KYNU: variants seen among roughly 807,000 people sequenced by gnomAD.
KYNU encodes L-kynurenine hydrolase.
A neutral mutation model predicts 59.2 loss-of-function variants in KYNU; 54 were observed. The ratio of observed to expected loss-of-function variants is 0.91; its 90% CI spans 0.73 to 1.14. The LOEUF (loss-of-function observed/expected upper bound fraction) is 1.14. KYNU is among the 50% of genes most tolerant of loss of function. The probability of loss-of-function intolerance (pLI) is 0.00; values close to 1 mark genes in which losing one functional copy is unlikely to be tolerated. For missense variants in KYNU, 567 were observed against 554.4 expected (o/e 1.02, Z -0.23); for synonymous variants, 177 against 192.0 (o/e 0.92, Z 0.65).
rs1371914118 is a variant in KYNU at position 143,050,680 on chromosome 2, G to A, written c.*8508G>A. ...TTAAAAAACAGACTGAAGAAAGACTGGGTGTGAAGTCAGTAAATTAATTTC... is the reference window on the plus strand; with the variant it reads ...TTAAAAAACAGACTGAAGAAAGACTAGGTGTGAAGTCAGTAAATTAATTTC... On this transcript the variant is annotated 3_prime_UTR_variant, in exon 14 of 14. Transcript: ENST00000264170. 6.6e-6 allele frequency: 1 copy of A among 152,128 alleles called. No homozygotes were observed. 9.4% of individuals were successfully genotyped at this position (152,128 alleles called of 1,614,324 possible).
Position 143,052,976 on chromosome 2 carries a change from A to T in KYNU, c.*10804A>T, listed in dbSNP as rs1421384527. The T allele has an allele frequency of 6.6e-6, 1 of 152,358 alleles. No individual in the cohort carries two copies. Among genetic ancestry groups the T allele is most frequent in the Non-Finnish European group, 1.5e-5 (1 of 68,128 alleles). The allele number at this position is 152,358 out of a possible 1,614,324, so 9.4% of individuals were successfully genotyped here. On this transcript the variant is annotated 3_prime_UTR_variant, in exon 14 of 14. Transcript: ENST00000264170. ...GGAGGGGGCTATACCCTGCAAAGCC[A>T]CAGGGGCGGACCTGCTCAAGGCTGT... is the stretch of plus-strand genomic sequence containing the variant.
chr2:142,967,884 T>G (rs1573851981), intron 8 of KYNU, among the ~76,000 whole-genome samples: 1 of 152,178 alleles, frequency 6.6e-6, no homozygotes, highest in South Asian at 2.1e-4. Flanking sequence ...TATCAGAACT[T>G]GAGCAATTAA....
chr2:142,912,371 C>CTTTTTTTTTTTTTT (rs60854220), intron 2 of KYNU, among the ~76,000 whole-genome samples: 7 of 89,512 alleles, frequency 7.8e-5, no homozygotes, highest in South Asian at 3.7e-4. Flanking sequence ...TTTTGTATTT[C>CTTTTTTTTTTTTTT]TTTTTTTTTT....
At chr2:143,010,951 T>C (rs1397684634) in intron 10 of KYNU, among the ~76,000 whole-genome samples, 1 of 145,876 alleles carries the variant, frequency 6.9e-6, no homozygotes, top group East Asian at 2.1e-4. Context: ...CCTAAAACCA[T>C]AAAAACCCTA....
At chr2:142,905,459 G>A (rs1682259811) in intron 2 of KYNU, among the ~76,000 whole-genome samples, 1 of 152,276 alleles carries the variant, frequency 6.6e-6, no homozygotes, top group East Asian at 1.9e-4. Context: ...TGTCCCGAAG[G>A]GAGTTCCTCC....
At chr2:142,895,626 A>AT (rs564248722) in intron 2 of KYNU, among the ~76,000 whole-genome samples, 31 of 150,560 alleles carry the variant, frequency 2.1e-4, no homozygotes, top group African/African-American at 2.4e-4. Context: ...TTTTATCTAA[A>AT]TTTTTTTTTT....
chr2:142,940,983 C>T (rs1448631730), intron 4 of KYNU, among the ~76,000 whole-genome samples: 4 of 152,230 alleles, frequency 2.6e-5, no homozygotes. Context: ...GAGGGAGCTT[C>T]CATGCCTTCT....
chr2:142,936,471 AC>A (rs1683394136), intron 4 of KYNU, among the ~76,000 whole-genome samples: 1 of 152,132 alleles, frequency 6.6e-6, no homozygotes, highest in Non-Finnish European at 1.5e-5. Flanking sequence ...ATTTCCCATA[AC>A]GGAGGGTAGG....
At chr2:142,982,448 T>A (rs1341076187) in intron 8 of KYNU, among the ~76,000 whole-genome samples, 1 of 152,132 alleles carries the variant, frequency 6.6e-6, no homozygotes, top group African/African-American at 2.4e-5. Flanking sequence ...GGGTACAATT[T>A]GGATAATATG....
At chr2:142,955,987 GT>G (rs934437137) in intron 5 of KYNU, among the ~76,000 whole-genome samples, 2 of 152,038 alleles carry the variant, frequency 1.3e-5, no homozygotes, top group African/African-American at 4.8e-5. Flanking sequence ...CGAGTTTGCT[GT>G]TTCATTGATA....
At chr2:142,885,008 G>T (rs1476482944) in intron 1 of KYNU, among the ~76,000 whole-genome samples, 2 of 141,254 alleles carry the variant, frequency 1.4e-5, no homozygotes, top group Non-Finnish European at 3.1e-5. Context: ...GGAGGCCGAG[G>T]TGGGCGGATC....
rs537580105 is a variant in KYNU at position 143,025,808 on chromosome 2, C to T, written c.903-3819C>T. On this transcript the variant is annotated intron_variant, in intron 10 of 13. Coordinates refer to ENST00000264170, the MANE Select transcript of KYNU (RefSeq NM_003937.3). ...GTTTCTCATAATGAATTACTTGAAA[C>T]GAGAGAATATATATTAGAAATAAGG... 3.9e-5 allele frequency among the ~76,000 whole-genome samples: 6 copies of T among 151,994 alleles called. No homozygotes were observed. The South Asian group carries it at 8.3e-4, about 21-fold the overall frequency.
rs777979926 is a variant in KYNU at position 142,960,715 on chromosome 2, T to C, written c.674T>C (p.Phe225Ser). The C allele has an allele frequency of 1.2e-6, 2 of 1,613,920 alleles. No homozygotes were observed. Among genetic ancestry groups the C allele is most frequent in the East Asian group, 4.5e-5 (2 of 44,858 alleles). ...GTGATCCTGTTCAGTGGGGTGCATTTTTACACTGGACAGCACTTTAATATT... is the reference window on the plus strand; with the variant it reads ...GTGATCCTGTTCAGTGGGGTGCATTCTTACACTGGACAGCACTTTAATATT... ...IAVILFSGVH[F>S]YTGQHFNIPA... The change falls in exon 8 of 14, where the codon TTT (phenylalanine) becomes TCT (serine). Residue 225 changes from phenylalanine (F) to serine (S), a missense_variant. Phe to Ser is a radical substitution (Grantham distance 155). Transcript: ENST00000264170.
At chr2:142,947,153 A>G (rs1683816530) in intron 4 of KYNU, 1 of 1,551,012 alleles carries the variant, frequency 6.4e-7, no homozygotes, top group South Asian at 1.2e-5. Flanking sequence ...AAATGACCTC[A>G]GTATGTGTAA....
chr2:142,930,929 T>C (rs533927588), intron 4 of KYNU, among the ~76,000 whole-genome samples: 2 of 152,126 alleles, frequency 1.3e-5, no homozygotes, highest in South Asian at 4.1e-4. Context: ...AGCGCCTGGG[T>C]GCAGGCGGGC....
At chr2:142,983,759 TAAC>T (rs747927704) in intron 8 of KYNU, among the ~76,000 whole-genome samples, 34 of 152,106 alleles carry the variant, frequency 2.2e-4, no homozygotes, top group Non-Finnish European at 4.4e-4. Context: ...TGTTTTAGAA[TAAC>T]AACAAATGCA....
In KYNU at chr2:143,042,030, T is replaced by G. The variant is rs760058266; in HGVS notation, c.1273-17T>G. The stretch of plus-strand genomic sequence containing the variant: ...GAATAATGCTAACATTATTGTGGCT[T>G]TATTTTTTCCCCACAGTGTGACAAG... On this transcript the variant is annotated splice_polypyrimidine_tract_variant and intron_variant, in intron 13 of 13. Coordinates refer to ENST00000264170, the MANE Select transcript of KYNU (RefSeq NM_003937.3). The G allele has an allele frequency of 1.1e-5, 17 of 1,610,896 alleles. No homozygotes were observed. Among genetic ancestry groups the G allele is most frequent in the Admixed American group, 1.7e-5 (1 of 59,794 alleles).
At chr2:143,036,131 C>T (rs571662304) in intron 12 of KYNU, among the ~76,000 whole-genome samples, 3 of 152,000 alleles carry the variant, frequency 2.0e-5, no homozygotes, top group South Asian at 2.1e-4. Context: ...TGGCCTCAAG[C>T]GATTCTCCTG....
intron 8 of KYNU, among the ~76,000 whole-genome samples, chr2:142,968,785 T>A (rs1489904405): frequency 6.6e-6 from 1 of 152,016 alleles, no homozygotes; most frequent in Non-Finnish European, 1.5e-5. Context: ...TGATTGTGTG[T>A]GCCTGTAGTC....
Sources: allele counts gnomAD v4.1 joint callset (sites outside exome capture counted in the v4.1 genomes callset), GRCh38; gene constraint gnomAD v4.1.1; transcripts MANE v1.5; gene names NCBI Gene and HGNC (gene_info 2026-07-23, HGNC 2026-07-21).